The following DNAJC18 variants were observed in gnomAD, a reference collection of about 807,000 sequenced individuals.
The protein encoded by DNAJC18 is dnaJ homolog subfamily C member 18.
Under a neutral mutation model 48.6 loss-of-function variants are expected in DNAJC18, and 40 were observed. The observed-to-expected ratio is 0.82, with a 90% CI of 0.64 to 1.07. The LOEUF is 1.07. DNAJC18 is among the 50% of genes least tolerant of loss of function. DNAJC18 has a pLI of 0.00. For missense variants in DNAJC18, 340 were observed against 427.7 expected, an observed-to-expected ratio of 0.79 and a Z score of 1.81; for synonymous variants, 135 against 152.2, an observed-to-expected ratio of 0.89 and a Z score of 0.83.
chr5:139,417,229 C>T (rs900923502), intron 7 of DNAJC18, among the ~76,000 whole-genome samples: 1 of 151,214 alleles, frequency 6.6e-6, no homozygotes, highest in Non-Finnish European at 1.5e-5. Flanking sequence ...ATTAAACATT[C>T]TAAGGAAGAG....
rs868431357 is a variant in DNAJC18, at chr5:139,422,642, A to C, written c.779+66T>G. 167 of 1,203,764 alleles carry C rather than the reference A, an allele frequency of 1.4e-4. No individual in the cohort carries two copies. In the Middle Eastern group the frequency reaches 2.2e-3, roughly 16 times the overall value. 74.6% of individuals were successfully genotyped at this position (1,203,764 alleles called of 1,614,324 possible). A position where few individuals can be genotyped will look rare whatever the true frequency, so the allele number is the denominator to read the frequency against. ...TGAAATGAAATGTTAGTAATGTATC[A>C]GCAAAACCTTCAAGTCTTTCACCCC... On this transcript the variant is annotated intron_variant, in intron 6 of 7. Coordinates refer to ENST00000302060, the MANE Select transcript of DNAJC18 (RefSeq NM_152686.4).
Position 139,439,501 on chromosome 5 carries a change from G to C in DNAJC18, c.-56C>G, listed in dbSNP as rs1750750006. On this transcript the variant is annotated 5_prime_UTR_variant, in exon 1 of 8. Transcript: ENST00000302060. The surrounding 1 kb of genome is among the most constrained non-coding windows in gnomAD (Gnocchi z 4.1). ...CTCCCCCGTGCCCGAGGCTGAAAGA[G>C]AAGGGGGCGCGGAGCGCGGGGCACG... is the stretch of plus-strand genomic sequence containing the variant. 3.1e-6 allele frequency: 5 copies of C among 1,613,322 alleles called. No homozygotes were observed. The Admixed American group carries it at 8.3e-5, about 27-fold the overall frequency.
At position 139,411,517 on chromosome 5, in the gene DNAJC18, T is replaced by C. The variant is rs2152081617; in HGVS notation, c.*2631A>G. 1 of 152,330 alleles carries C rather than the reference T, an allele frequency of 6.6e-6. No homozygotes were observed. Among genetic ancestry groups the C allele is most frequent in the South Asian group, 2.1e-4 (1 of 4,828 alleles). 9.4% of individuals were successfully genotyped at this position (152,330 alleles called of 1,614,324 possible). Reference sequence around the variant, plus strand: ...CGTAGGCGAGAGGAAAAAGCTTATTTTACCACCATGCAGACAACCCATCTA... The same window carrying C: ...CGTAGGCGAGAGGAAAAAGCTTATTCTACCACCATGCAGACAACCCATCTA... On this transcript the variant is annotated 3_prime_UTR_variant, in exon 8 of 8. Transcript: ENST00000302060.
intron 7 of DNAJC18, among the ~76,000 whole-genome samples, chr5:139,416,444 C>T (rs560755220): frequency 3.3e-5 from 5 of 152,268 alleles, no homozygotes; most frequent in South Asian, 4.1e-4. Context: ...GCTGAAAGAC[C>T]GCAACAGATC....
intron 6 of DNAJC18, 197 bp from the exon 7 acceptor site, chr5:139,420,422 G>A (rs1759134728): frequency 1.9e-6 from 1 of 534,810 alleles, no homozygotes; most frequent in Admixed American, 4.2e-5. Context: ...ATGTAAGCAA[G>A]TTCATACTAT....
chr5:139,419,225 C>T, intron 7 of DNAJC18: 4 of 436,040 alleles, frequency 9.2e-6, no homozygotes, highest in Middle Eastern at 4.1e-4. Flanking sequence ...TTAGAAGACA[C>T]AGTCACTAAC....
chr5:139,419,926 G>A, intron 7 of DNAJC18, 127 bp downstream of exon 7: 1 of 945,696 alleles, frequency 1.1e-6, no homozygotes, highest in Non-Finnish European at 1.5e-6. Context: ...AATGGCCTTT[G>A]TCCTCTGACT....
At position 139,414,212 on chromosome 5, in the gene DNAJC18, T is replaced by A; in HGVS notation, c.1013A>T (p.Glu338Val). The change falls in exon 8 of 8, where the codon GAG (glutamate) becomes GTG (valine). Residue 338 changes from glutamate (E) to valine (V), a missense_variant. Coordinates refer to ENST00000302060, the MANE Select transcript of DNAJC18 (RefSeq NM_152686.4). ...CTCACAGTTTTCAAGTTTCAGCGAC[T>A]CTGCTTTCTGTTTCAATCGTTCATC... ...YRDERLKQKA[E>V]SLKLENCEKL... is the part of the protein sequence containing the mutation. The A allele has an allele frequency of 3.1e-6, 5 of 1,614,224 alleles. No homozygotes were observed. Among genetic ancestry groups the A allele is most frequent in the Non-Finnish European group, 4.2e-6 (5 of 1,180,044 alleles).
Position 139,411,826 on chromosome 5 carries a change from G to T in DNAJC18, c.*2322C>A, listed in dbSNP as rs1315844020. 1.3e-5 allele frequency: 2 copies of T among 152,184 alleles called. No individual in the cohort carries two copies. The highest frequency in any genetic ancestry group is 1.3e-4 in the Admixed American group (2 of 15,280). The allele number at this position is 152,184 out of a possible 1,614,324, so 9.4% of individuals were successfully genotyped here. ...GACTACCTGATTCCTGGGCATCTAGGACAGGGTCTTTTAACCTGTCAAGTC... is the reference window on the plus strand; with the variant it reads ...GACTACCTGATTCCTGGGCATCTAGTACAGGGTCTTTTAACCTGTCAAGTC... On this transcript the variant is annotated 3_prime_UTR_variant, in exon 8 of 8. Coordinates refer to ENST00000302060, the MANE Select transcript of DNAJC18 (RefSeq NM_152686.4).
chr5:139,417,311 T>C (rs1759084741), intron 7 of DNAJC18, among the ~76,000 whole-genome samples: 1 of 152,192 alleles, frequency 6.6e-6, no homozygotes, highest in Non-Finnish European at 1.5e-5. Context: ...CAGTTTGCAT[T>C]TGGTATTTTG....
At chr5:139,438,433 ATTC>A (rs1181373909) in intron 1 of DNAJC18, among the ~76,000 whole-genome samples, 1 of 152,178 alleles carries the variant, frequency 6.6e-6, no homozygotes, top group African/African-American at 2.4e-5. Flanking sequence ...GCCCAAGACA[ATTC>A]TTCTTCCAAT....
At chr5:139,436,749 A>T (rs1750670430) in intron 2 of DNAJC18, among the ~76,000 whole-genome samples, 1 of 151,946 alleles carries the variant, frequency 6.6e-6, no homozygotes, top group South Asian at 2.1e-4. Flanking sequence ...AAGGTAGATT[A>T]GGTTACTGAT....
At chr5:139,431,492 G>A (rs1366536128) in intron 2 of DNAJC18, among the ~76,000 whole-genome samples, 2 of 152,092 alleles carry the variant, frequency 1.3e-5, no homozygotes, top group Admixed American at 6.6e-5. Flanking sequence ...TTCACTTACT[G>A]TAATTTTTTC....
rs1012765870 is a variant in DNAJC18 at position 139,439,158 on chromosome 5, TGGGCGGGGCACGGGCGG to T, written c.40+231_40+247del. ...GGCGGGGCCTGACAGCTGCGGGCCC[TGGGCGGGGCACGGGCGG>T]GGGCGGGGCTGGGGGCCGGAGGCAA... is the stretch of plus-strand genomic sequence containing the variant. On this transcript the variant is annotated intron_variant, in intron 1 of 7. Transcript: ENST00000302060. This position sits in a 1 kb window ranked among gnomAD's most constrained non-coding sequence, Gnocchi z 4.1. 7.5e-6 allele frequency among the ~76,000 whole-genome samples: 1 copy of T among 133,428 alleles called. No homozygotes were observed. The highest frequency in any genetic ancestry group is 2.7e-5 in the African/African-American group (1 of 36,670). 87.5% of individuals were successfully genotyped at this position (133,428 alleles called of 152,430 possible). A position where few individuals can be genotyped will look rare whatever the true frequency, so the allele number is the denominator to read the frequency against.
chr5:139,428,793 A>G (rs1661358770), intron 2 of DNAJC18, 110 bp from the exon 3 acceptor site: 17 of 1,334,702 alleles, frequency 1.3e-5, no homozygotes, highest in Non-Finnish European at 1.7e-5. Context: ...ACAAACCTAT[A>G]AGAAAATTAG....
intron 7 of DNAJC18, among the ~76,000 whole-genome samples, chr5:139,415,270 G>A (rs1184472304): frequency 6.6e-6 from 1 of 152,158 alleles, no homozygotes; most frequent in African/African-American, 2.4e-5. Flanking sequence ...TCAGCAAACT[G>A]CCTGGAAACG....
chr5:139,430,999 G>A (rs1759322269), intron 2 of DNAJC18, among the ~76,000 whole-genome samples: 1 of 152,190 alleles, frequency 6.6e-6, no homozygotes, highest in South Asian at 2.1e-4. Flanking sequence ...GGCAGGCAGA[G>A]ATTCGGAGCT....
Position 139,410,497 on chromosome 5 carries a change from A to G in DNAJC18, c.*3651T>C, listed in dbSNP as rs546901836. ...ATGTTTTGTAACTTGGCCCTTTCCA[A>G]AAATAAATATATTAGGACACTAAGC... On this transcript the variant is annotated 3_prime_UTR_variant, in exon 8 of 8. Coordinates refer to ENST00000302060, the MANE Select transcript of DNAJC18 (RefSeq NM_152686.4). 6.6e-6 allele frequency: 1 copy of G among 152,380 alleles called. No individual in the cohort carries two copies. The highest frequency in any genetic ancestry group is 2.4e-5 in the African/African-American group (1 of 41,600). 9.4% of individuals were successfully genotyped at this position (152,380 alleles called of 1,614,324 possible). A position where few individuals can be genotyped will look rare whatever the true frequency, so the allele number is the denominator to read the frequency against.
At position 139,435,730 on chromosome 5, in the gene DNAJC18, T is replaced by TTTTTTTTTTTC. The variant is rs1438818286; in HGVS notation, c.227+1641_227+1642insGAAAAAAAAAA. ...GTTTTTTTTTTTTTTTTTTTTTTTTTTTCAGACAAGGTCTCCCTCTGTCAC... is the reference window on the plus strand; with the variant it reads ...GTTTTTTTTTTTTTTTTTTTTTTTTTTTTTTTTTTTCTTCAGACAAGGTCTCCCTCTGTCAC... On this transcript the variant is annotated intron_variant, in intron 2 of 7. Coordinates refer to ENST00000302060, the MANE Select transcript of DNAJC18 (RefSeq NM_152686.4). Among the ~76,000 whole-genome samples the TTTTTTTTTTTC allele has an allele frequency of 3.0e-5, 4 of 131,916 alleles. No homozygotes were observed. In the East Asian group the frequency reaches 1.0e-3, roughly 34 times the overall value. The allele number at this position is 131,916 out of a possible 152,430, so 86.5% of individuals were successfully genotyped here.
Sources: allele counts gnomAD v4.1 joint callset (sites outside exome capture counted in the v4.1 genomes callset), GRCh38; gene constraint gnomAD v4.1.1; non-coding constraint Gnocchi (gnomAD v3.1); transcripts MANE v1.5; gene names NCBI Gene and HGNC (gene_info 2026-07-23, HGNC 2026-07-21).